The following PCDH17 variants were observed in gnomAD, a reference collection of about 807,000 sequenced individuals.
The protein encoded by PCDH17 is protocadherin-17.
Under a neutral mutation model 67.7 loss-of-function variants are expected in PCDH17, and 21 were observed. That is an observed-to-expected ratio of 0.31 (90% CI 0.22 to 0.45). The LOEUF (loss-of-function observed/expected upper bound fraction) is 0.45. Among genes scored for constraint, PCDH17 ranks in the 20% least tolerant of loss-of-function variants. The probability of loss-of-function intolerance (pLI) is 1.00; values close to 1 mark genes in which losing one functional copy is unlikely to be tolerated. For synonymous variants in PCDH17, 701 were observed against 656.7 expected (o/e 1.07, Z -1.03); for missense variants, 1,471 against 1,564.8 (o/e 0.94, Z 1.01).
At chr13:57,692,558 A>C (rs1955568864) in intron 3 of PCDH17, among the ~76,000 whole-genome samples, 1 of 151,294 alleles carries the variant, frequency 6.6e-6, no homozygotes, top group African/African-American at 2.4e-5. Flanking sequence ...GGGAATGTTA[A>C]AATGCTATAT....
intron 3 of PCDH17, among the ~76,000 whole-genome samples, chr13:57,682,192 C>T (rs1199835333): frequency 2.0e-5 from 3 of 151,724 alleles, no homozygotes; most frequent in Non-Finnish European, 4.4e-5. Flanking sequence ...CCTAGTCACT[C>T]CAGTTAGAAA....
chr13:57,681,400 C>G (rs1211939206), intron 3 of PCDH17, among the ~76,000 whole-genome samples: 1 of 151,766 alleles, frequency 6.6e-6, no homozygotes, highest in African/African-American at 2.4e-5. Flanking sequence ...ATATGATTAA[C>G]TGTGATTATT....
At chr13:57,650,304 C>T (rs1021105031) in intron 1 of PCDH17, among the ~76,000 whole-genome samples, 1 of 148,824 alleles carries the variant, frequency 6.7e-6, no homozygotes, top group African/African-American at 2.5e-5. Context: ...ACTGAGACCA[C>T]GTGCCTGTAG....
chr13:57,688,072 C>A (rs1443436717), intron 3 of PCDH17, among the ~76,000 whole-genome samples: 1 of 152,018 alleles, frequency 6.6e-6, no homozygotes, highest in Non-Finnish European at 1.5e-5. Flanking sequence ...TTCAATCATT[C>A]TCCTACCCCC....
chr13:57,666,020 G>A (rs1312606545), intron 1 of PCDH17, among the ~76,000 whole-genome samples: 2 of 152,150 alleles, frequency 1.3e-5, no homozygotes, highest in Non-Finnish European at 2.9e-5. Flanking sequence ...TAATTGAGGA[G>A]TGGATGACTT....
chr13:57,650,494 T>C (rs1042500513), intron 1 of PCDH17, among the ~76,000 whole-genome samples: 5 of 152,146 alleles, frequency 3.3e-5, no homozygotes, highest in Non-Finnish European at 5.9e-5. Context: ...TACAAAAAGA[T>C]ACTTTAATCC....
In PCDH17 at chr13:57,666,644, C is replaced by G; in HGVS notation, c.2625-17C>G. ...AGAGACAACACTTTCTCTTCTTTTT[C>G]TTTATATGTATTTCAGTAGCTCCAC... On this transcript the variant is annotated splice_polypyrimidine_tract_variant and intron_variant, in intron 2 of 3. Coordinates refer to ENST00000377918, the MANE Select transcript of PCDH17 (RefSeq NM_001040429.3). The G allele has an allele frequency of 1.2e-6, 2 of 1,608,328 alleles. No individual in the cohort carries two copies. Among genetic ancestry groups the G allele is most frequent in the Non-Finnish European group, 1.7e-6 (2 of 1,177,128 alleles).
chr13:57,667,671 A>G (rs1215552155), intron 3 of PCDH17, among the ~76,000 whole-genome samples: 1 of 151,586 alleles, frequency 6.6e-6, no homozygotes, highest in Admixed American at 6.6e-5. Context: ...GTTTTGAATG[A>G]GAAACTACAT....
intron 1 of PCDH17, among the ~76,000 whole-genome samples, chr13:57,640,468 T>C (rs1954877216): frequency 2.6e-5 from 4 of 152,108 alleles, no homozygotes; most frequent in Non-Finnish European, 5.9e-5. Context: ...TCCAATTTTA[T>C]ACATTTTAGT....
chr13:57,707,689 G>A (rs1955733766), intron 3 of PCDH17, among the ~76,000 whole-genome samples: 1 of 151,932 alleles, frequency 6.6e-6, no homozygotes, highest in Non-Finnish European at 1.5e-5. Context: ...AGTTCTGGTG[G>A]CTAGAAGTCC....
At chr13:57,631,469 T>A (rs900283070), upstream of PCDH17, among the ~76,000 whole-genome samples, 6 of 152,154 alleles carry the variant, frequency 3.9e-5, no homozygotes, top group African/African-American at 1.4e-4. Flanking sequence ...AAAAGCAAAC[T>A]GGAATTAAAC....
chr13:57,670,336 A>G (rs891329778), intron 3 of PCDH17, among the ~76,000 whole-genome samples: 2 of 151,824 alleles, frequency 1.3e-5, no homozygotes, highest in African/African-American at 2.4e-5. Context: ...CCATATCCAA[A>G]TAATTATTTC....
chr13:57,669,357 C>G (rs910275723), intron 3 of PCDH17, among the ~76,000 whole-genome samples: 3 of 151,832 alleles, frequency 2.0e-5, no homozygotes, highest in African/African-American at 7.2e-5. Flanking sequence ...GGTGATCTCT[C>G]TCTCTCTATT....
At chr13:57,666,351 C>T in intron 1 of PCDH17, 117 bp from the exon 2 acceptor site, 2 of 748,292 alleles carry the variant, frequency 2.7e-6, no homozygotes, top group Non-Finnish European at 4.6e-6. Context: ...ATGTACAAAT[C>T]TGAAGATTAA....
At chr13:57,713,727 G>T (rs895854285) in intron 3 of PCDH17, among the ~76,000 whole-genome samples, 1 of 151,526 alleles carries the variant, frequency 6.6e-6, no homozygotes, top group Non-Finnish European at 1.5e-5. Context: ...CTGTGTGTGT[G>T]CATGCATGCA....
In PCDH17 at chr13:57,725,306, A is replaced by AG; in HGVS notation, c.*12_*13insG. 1 of 1,586,726 alleles carries AG rather than the reference A, an allele frequency of 6.3e-7. No individual in the cohort carries two copies. Among genetic ancestry groups the AG allele is most frequent in the Non-Finnish European group, 8.6e-7 (1 of 1,168,934 alleles). ...CTGTGAGAAAGTGAAAAAAGAAAAA[A>AG]AAAAAGGCATTGGCATTTTCTTGTC... On this transcript the variant is annotated 3_prime_UTR_variant, in exon 4 of 4. Coordinates refer to ENST00000377918, the MANE Select transcript of PCDH17 (RefSeq NM_001040429.3).
At chr13:57,654,367 G>A (rs531514322) in intron 1 of PCDH17, among the ~76,000 whole-genome samples, 35 of 151,736 alleles carry the variant, frequency 2.3e-4, no homozygotes, top group African/African-American at 8.3e-4. Context: ...GACAACCATT[G>A]TTGTAAAGCA....
At chr13:57,635,215 G>C (rs1250182794) in intron 1 of PCDH17, 104 bp downstream of exon 1, 1 of 1,173,938 alleles carries the variant, frequency 8.5e-7, no homozygotes, top group African/African-American at 1.5e-5. Context: ...AGCAGTGAGG[G>C]GGAAAAATAA....
chr13:57,659,324 T>C (rs1024946062), intron 1 of PCDH17, among the ~76,000 whole-genome samples: 13 of 152,154 alleles, frequency 8.5e-5, no homozygotes, highest in Non-Finnish European at 1.3e-4. Context: ...CTGATTTTTT[T>C]CTTAGAAATT....
Sources: allele counts gnomAD v4.1 joint callset (sites outside exome capture counted in the v4.1 genomes callset), GRCh38; gene constraint gnomAD v4.1.1; transcripts MANE v1.5; gene names NCBI Gene and HGNC (gene_info 2026-07-23, HGNC 2026-07-21).